Variants in AGO1 observed in about 807,000 individuals in gnomAD.
The protein encoded by AGO1 is protein argonaute-1.
A neutral mutation model predicts 109.2 loss-of-function variants in AGO1; 11 were observed. That is an observed-to-expected ratio of 0.10 (90% CI 0.06 to 0.17). AGO1 has a LOEUF of 0.17. AGO1 is among the 10% of genes least tolerant of loss of function. The pLI, the probability that AGO1 is intolerant of heterozygous loss-of-function variation, is 1.00. For synonymous variants in AGO1, 422 were observed against 418.6 expected (o/e 1.01, Z -0.10); for missense variants, 574 against 1,140.3 (o/e 0.50, Z 7.15).
intron 2 of AGO1, among the ~76,000 whole-genome samples, chr1:35,891,622 T>G (rs1645220806): frequency 6.6e-6 from 1 of 152,176 alleles, no homozygotes; most frequent in African/African-American, 2.4e-5. Flanking sequence ...TGGAGTGCAG[T>G]GGCATGATCT....
intron 1 of AGO1, among the ~76,000 whole-genome samples, chr1:35,872,148 T>C (rs1181196441): frequency 6.6e-6 from 1 of 151,980 alleles, no homozygotes; most frequent in African/African-American, 2.4e-5. Context: ...CATTTGATTT[T>C]ATTTTTTGTG....
intron 12 of AGO1, among the ~76,000 whole-genome samples, chr1:35,910,904 A>G (rs1326412459): frequency 6.6e-6 from 1 of 152,126 alleles, no homozygotes; most frequent in Non-Finnish European, 1.5e-5. Context: ...GTCTCTACTA[A>G]AAATACAAAA....
chr1:35,910,529 A>G (rs186636439), intron 12 of AGO1, among the ~76,000 whole-genome samples: 8 of 152,268 alleles, frequency 5.3e-5, no homozygotes, highest in African/African-American at 1.9e-4. Context: ...CCCAGTCACT[A>G]CAACCTCCTA....
Position 35,869,886 on chromosome 1 carries a change from T to C in AGO1, c.-218T>C, listed in dbSNP as rs151091576. On this transcript the variant is annotated 5_prime_UTR_variant, in exon 1 of 19. Coordinates refer to the AGO1 transcript ENST00000373206. ...TTATCCTGAGGACACAGGGGAAGAA[T>C]TGGAGGACTATATTCAGGCAAGTAA... is the stretch of plus-strand genomic sequence containing the variant. The C allele has an allele frequency of 1.7e-3, 252 of 152,186 alleles. 1 individual carries two copies. Among genetic ancestry groups the C allele is most frequent in the African/African-American group, 5.7e-3 (238 of 41,520 alleles). 9.4% of individuals were successfully genotyped at this position (152,186 alleles called of 1,614,324 possible).
Position 35,902,294 on chromosome 1 carries a change from G to C in AGO1, c.1354G>C (p.Ala452Pro). 1 of 1,614,176 alleles carries C rather than the reference G, an allele frequency of 6.2e-7. No homozygotes were observed. ...GATTGAGATCAAAGTCTGGGCCATC[G>C]CCTGCTTCGCACCCCAAAAACAGTG... ...NGIEIKVWAIACFAPQKQCRE... is the reference protein window; with the variant it reads ...NGIEIKVWAIPCFAPQKQCRE... Residue 452 changes from alanine to proline, a missense_variant, in exon 11 of 19, where the codon GCC (alanine) becomes CCC (proline). Physicochemically the swap from Ala to Pro is conservative, Grantham distance 27. Around this residue, in one of 8 missense-constraint regions of AGO1, gnomAD observed 106 missense variants for 147.8 expected, o/e 0.72. Coordinates refer to ENST00000373204, the MANE Select transcript of AGO1 (RefSeq NM_012199.5).
rs114859065 is a variant in AGO1, at chr1:35,912,573, T to G, written c.1583-1269T>G. On this transcript the variant is annotated intron_variant, in intron 12 of 18. Coordinates refer to ENST00000373204, the MANE Select transcript of AGO1 (RefSeq NM_012199.5). The stretch of plus-strand genomic sequence containing the variant: ...ATGGCCTATTTTTATTTTATTTTAT[T>G]TTTTTATTTATTTTTCTGAGACGGA... 3.9e-3 allele frequency among the ~76,000 whole-genome samples: 590 copies of G among 152,006 alleles called. 4 individuals are homozygous for G. Among genetic ancestry groups the G allele is most frequent in the African/African-American group, 0.012 (518 of 41,442 alleles).
In AGO1 at chr1:35,892,684, T is replaced by A. The variant is rs763032956; in HGVS notation, c.330+7T>A. The A allele has an allele frequency of 6.2e-7, 1 of 1,614,154 alleles. No individual in the cohort carries two copies. The highest frequency in any genetic ancestry group is 1.3e-5 in the African/African-American group (1 of 75,038). On this transcript the variant is annotated splice_region_variant and intron_variant, in intron 3 of 18. Transcript: ENST00000373204. ...GCCCATTGGCAACGAACGGGTAAGG[T>A]TGGGAGTCAGGCTAGGCCTGTGTCA...
rs903552001 is a variant in AGO1, at chr1:35,925,003, A to C, written c.*5396A>C. 6.6e-6 allele frequency: 1 copy of C among 152,154 alleles called. No individual in the cohort carries two copies. The highest frequency in any genetic ancestry group is 2.4e-5 in the African/African-American group (1 of 41,420). The allele number at this position is 152,154 out of a possible 1,614,324, so 9.4% of individuals were successfully genotyped here. On this transcript the variant is annotated 3_prime_UTR_variant, in exon 19 of 19. Transcript: ENST00000373204. ...AAAAAGAGAAGAGAAACTAGTATACAGCCCCCTAAGAAACTCAATTTAAAG... is the reference window on the plus strand; with the variant it reads ...AAAAAGAGAAGAGAAACTAGTATACCGCCCCCTAAGAAACTCAATTTAAAG...
intron 11 of AGO1, among the ~76,000 whole-genome samples, chr1:35,905,315 G>C (rs892438784): frequency 6.6e-6 from 1 of 152,146 alleles, no homozygotes; most frequent in African/African-American, 2.4e-5. Context: ...TGGTTAGGTC[G>C]TGTTTTTTTA....
At chr1:35,914,151 G>C (rs376274144) in intron 13 of AGO1, 33 bp from the exon 14 acceptor site, 19 of 1,607,372 alleles carry the variant, frequency 1.2e-5, no homozygotes, top group Non-Finnish European at 1.5e-5. Flanking sequence ...AAGACCCAGC[G>C]CCTCACCATT....
intron 1 of AGO1, among the ~76,000 whole-genome samples, chr1:35,874,330 G>T (rs1480388932): frequency 6.6e-6 from 1 of 152,116 alleles, no homozygotes; most frequent in Non-Finnish European, 1.5e-5. Context: ...ACCATGCCTG[G>T]CTCATTTAAA....
chr1:35,905,380 T>C (rs1645500833), intron 11 of AGO1, among the ~76,000 whole-genome samples: 1 of 152,230 alleles, frequency 6.6e-6, no homozygotes, highest in Non-Finnish European at 1.5e-5. Flanking sequence ...GAGAATAACA[T>C]GTATCCATTT....
intron 1 of AGO1, among the ~76,000 whole-genome samples, chr1:35,884,034 AG>A (rs1281111763): frequency 6.6e-6 from 1 of 152,160 alleles, no homozygotes; most frequent in Non-Finnish European, 1.5e-5. Flanking sequence ...GGCAGCTGGA[AG>A]GGGCTGCCCG....
In AGO1 at chr1:35,893,014, T is replaced by C; in HGVS notation, c.331-83T>C. 7.4e-7 allele frequency: 1 copy of C among 1,350,116 alleles called. No individual in the cohort carries two copies. The highest frequency in any genetic ancestry group is 1.4e-5 in the South Asian group (1 of 72,684). The allele number at this position is 1,350,116 out of a possible 1,614,324, so 83.6% of individuals were successfully genotyped here. Reference sequence around the variant, plus strand: ...TGAGCCCCTATCAACTTGAAAAACATGTTCTCAGCAAATCCATGGAGTTGG... The same window carrying C: ...TGAGCCCCTATCAACTTGAAAAACACGTTCTCAGCAAATCCATGGAGTTGG... On this transcript the variant is annotated intron_variant, in intron 3 of 18. Transcript: ENST00000373204. The surrounding 1 kb of genome is among the most constrained non-coding windows in gnomAD (Gnocchi z 5.6).
At chr1:35,915,686 G>A (rs1571376248) in intron 15 of AGO1, 144 bp downstream of exon 15, 7 of 734,720 alleles carry the variant, frequency 9.5e-6, no homozygotes, top group South Asian at 3.6e-5. Context: ...GGCAAGGATC[G>A]CAACTGAGGG....
At chr1:35,880,776 C>T (rs1461288690), upstream of AGO1, among the ~76,000 whole-genome samples, 1 of 152,102 alleles carries the variant, frequency 6.6e-6, no homozygotes. Flanking sequence ...TCTTGTGCCT[C>T]AGCCTCCCGA....
At chr1:35,914,542 A>G (rs1161010451) in intron 14 of AGO1, among the ~76,000 whole-genome samples, 4 of 152,084 alleles carry the variant, frequency 2.6e-5, no homozygotes, top group African/African-American at 7.2e-5. Flanking sequence ...TTCTTTCCCC[A>G]TGCCTGCTTT....
In AGO1 at chr1:35,926,218, TA is replaced by T. The variant is rs1645924382; in HGVS notation, c.*6612del. The T allele has an allele frequency of 6.6e-6, 1 of 152,234 alleles. No individual in the cohort carries two copies. The highest frequency in any genetic ancestry group is 1.5e-5 in the Non-Finnish European group (1 of 68,054). 9.4% of individuals were successfully genotyped at this position (152,234 alleles called of 1,614,324 possible). A position where few individuals can be genotyped will look rare whatever the true frequency, so the allele number is the denominator to read the frequency against. ...AAACTTTAGTTTTAGAAAAGATTGATATTGAAAAGCCTTCAGGATTTGCCTG... is the reference window on the plus strand; with the variant it reads ...AAACTTTAGTTTTAGAAAAGATTGATTTGAAAAGCCTTCAGGATTTGCCTG... On this transcript the variant is annotated 3_prime_UTR_variant, in exon 19 of 19. Coordinates refer to ENST00000373204, the MANE Select transcript of AGO1 (RefSeq NM_012199.5).
chr1:35,870,476 G>A (rs1259107307), intron 1 of AGO1, among the ~76,000 whole-genome samples: 1 of 151,976 alleles, frequency 6.6e-6, no homozygotes, highest in Non-Finnish European at 1.5e-5. Context: ...GTAGAGACGG[G>A]GTTTCACCGT....
Sources: allele counts gnomAD v4.1 joint callset (sites outside exome capture counted in the v4.1 genomes callset), GRCh38; gene constraint gnomAD v4.1.1; regional missense constraint gnomAD v4.1.1; non-coding constraint Gnocchi (gnomAD v3.1); transcripts MANE v1.5; gene names NCBI Gene and HGNC (gene_info 2026-07-23, HGNC 2026-07-21).